MROH9: variants seen among roughly 807,000 people sequenced by gnomAD.
MROH9 encodes maestro heat-like repeat-containing protein family member 9.
Under a neutral mutation model 98.2 loss-of-function variants are expected in MROH9, and 92 were observed. That is an observed-to-expected ratio of 0.94 (90% CI 0.79 to 1.11). The LOEUF is 1.11. Among genes scored for constraint, MROH9 ranks in the 50% most tolerant of loss-of-function variants. The pLI, the probability that MROH9 is intolerant of heterozygous loss-of-function variation, is 0.00. For missense variants in MROH9, 1,057 were observed against 1,014.8 expected, an observed-to-expected ratio of 1.04 and a Z score of -0.57; for synonymous variants, 397 against 368.9, an observed-to-expected ratio of 1.08 and a Z score of -0.87.
intron 20 of MROH9, among the ~76,000 whole-genome samples, chr1:171,051,513 T>C (rs553354980): frequency 3.7e-4 from 57 of 152,168 alleles, no homozygotes; most frequent in African/African-American, 1.4e-3. Flanking sequence ...TCACATATTC[T>C]CACTTATAAG....
intron 7 of MROH9, among the ~76,000 whole-genome samples, chr1:170,965,909 A>G (rs2101897770): frequency 6.6e-6 from 1 of 152,232 alleles, no homozygotes; most frequent in East Asian, 1.9e-4. Flanking sequence ...TTTCATGTCA[A>G]CATATGTAGA....
chr1:170,997,976 G>A (rs1032390720), intron 14 of MROH9, among the ~76,000 whole-genome samples, 178 bp from the exon 15 acceptor site: 2 of 152,160 alleles, frequency 1.3e-5, no homozygotes, highest in African/African-American at 4.8e-5. Flanking sequence ...CAGGGATCCA[G>A]TTATATGTAA....
At chr1:171,003,315 C>A (rs893094651) in intron 15 of MROH9, among the ~76,000 whole-genome samples, 2 of 152,090 alleles carry the variant, frequency 1.3e-5, no homozygotes, top group Non-Finnish European at 1.5e-5. Flanking sequence ...TGTCAATGAA[C>A]CTTGTTTTGT....
intron 20 of MROH9, among the ~76,000 whole-genome samples, chr1:171,042,946 A>G (rs1421364934): frequency 6.6e-6 from 1 of 152,024 alleles, no homozygotes; most frequent in Admixed American, 6.6e-5. Flanking sequence ...TTGTCTCTTC[A>G]CTTTGTTGAT....
chr1:170,958,378 A>G, intron 3 of MROH9, 83 bp from the exon 4 acceptor site: 5 of 747,248 alleles, frequency 6.7e-6, no homozygotes, highest in Non-Finnish European at 1.1e-5. Context: ...TGTAAAAGGA[A>G]GAAGTGCACA....
At chr1:171,041,780 G>C (rs1653314091) in intron 20 of MROH9, among the ~76,000 whole-genome samples, 1 of 151,814 alleles carries the variant, frequency 6.6e-6, no homozygotes, top group Admixed American at 6.6e-5. Flanking sequence ...GTGCAAGATG[G>C]TATCTCATTG....
intron 20 of MROH9, among the ~76,000 whole-genome samples, chr1:171,057,137 G>A (rs963619678): frequency 3.9e-5 from 6 of 152,298 alleles, no homozygotes; most frequent in African/African-American, 1.4e-4. Flanking sequence ...GACAGAAGTA[G>A]GCTTCAGAAG....
intron 5 of MROH9, among the ~76,000 whole-genome samples, chr1:170,960,513 G>A (rs1192094441): frequency 6.6e-6 from 1 of 152,158 alleles, no homozygotes; most frequent in South Asian, 2.1e-4. Flanking sequence ...CTCACACATG[G>A]AAATTTCCAA....
intron 16 of MROH9, 107 bp downstream of exon 16, chr1:171,014,361 A>G (rs150117756): frequency 5.0e-4 from 521 of 1,047,052 alleles, no homozygotes; most frequent in Non-Finnish European, 6.3e-4. Flanking sequence ...TTCAGTCTCT[A>G]TATAACTAAA....
chr1:170,962,700 T>C (rs1650062789), intron 6 of MROH9, among the ~76,000 whole-genome samples: 1 of 152,066 alleles, frequency 6.6e-6, no homozygotes, highest in African/African-American at 2.4e-5. Flanking sequence ...AATAAAAATG[T>C]ATTAAGCTAA....
intron 8 of MROH9, among the ~76,000 whole-genome samples, chr1:170,977,557 G>T (rs115591432): frequency 0.017 from 2,603 of 152,260 alleles, 88 homozygotes; most frequent in African/African-American, 0.06. Context: ...TAGGCACAGT[G>T]ATCAGTTGGT....
At chr1:170,957,934 G>A (rs1032532964) in intron 3 of MROH9, among the ~76,000 whole-genome samples, 3 of 151,796 alleles carry the variant, frequency 2.0e-5, no homozygotes, top group Middle Eastern at 3.2e-3. Context: ...TCGGTCTCCC[G>A]AGTAGCTGGG....
intron 11 of MROH9, 116 bp from the exon 12 acceptor site, chr1:170,992,047 AG>A: frequency 2.0e-6 from 2 of 1,023,486 alleles, no homozygotes; most frequent in South Asian, 4.6e-5. Context: ...ACATGTCTGC[AG>A]TGTCTTTGCT....
intron 15 of MROH9, among the ~76,000 whole-genome samples, chr1:171,012,718 T>C (rs1245948350): frequency 1.3e-5 from 2 of 152,108 alleles, no homozygotes; most frequent in East Asian, 3.9e-4. Flanking sequence ...TTATCCAGGA[T>C]GGTCTCGATC....
intron 20 of MROH9, 39 bp downstream of exon 20, chr1:171,025,459 A>G (rs1160630487): frequency 1.6e-6 from 2 of 1,255,692 alleles, no homozygotes; most frequent in Admixed American, 4.3e-5. Flanking sequence ...ACTTGTCTTA[A>G]ATGGTATAGA....
chr1:171,039,319 CTG>C (rs1189282033), intron 20 of MROH9, among the ~76,000 whole-genome samples: 1 of 152,148 alleles, frequency 6.6e-6, no homozygotes, highest in East Asian at 1.9e-4. Context: ...CCAAATATAA[CTG>C]TGGTTTAAAC....
intron 1 of MROH9, among the ~76,000 whole-genome samples, chr1:170,942,037 T>C (rs1018818726): frequency 2.0e-5 from 3 of 152,202 alleles, no homozygotes; most frequent in Non-Finnish European, 4.4e-5. Flanking sequence ...AATCTCTGCT[T>C]AGTGAGCCCA....
rs1319841350 is a variant in MROH9 at position 171,014,243 on chromosome 1, A to G, written c.1723A>G (p.Ile575Val). The change falls in exon 16 of 22, where the codon ATT becomes GTT. Residue 575 changes from isoleucine (I) to valine (V), a missense_variant. Coordinates refer to ENST00000367759, the MANE Select transcript of MROH9 (RefSeq NM_001163629.2). ...ILHRIVHMSP[I>V]INKTENVSSI... is the part of the protein sequence containing the mutation. Reference sequence around the variant, plus strand: ...TCATAGAATTGTCCACATGTCACCAATTATCAATAAGGTATGTGTATGTGA... The same window carrying G: ...TCATAGAATTGTCCACATGTCACCAGTTATCAATAAGGTATGTGTATGTGA... The G allele has an allele frequency of 6.4e-7, 1 of 1,550,834 alleles. No individual in the cohort carries two copies. Among genetic ancestry groups the G allele is most frequent in the South Asian group, 1.2e-5 (1 of 83,996 alleles).
At chr1:170,936,040 C>T (rs142814838) in intron 1 of MROH9, among the ~76,000 whole-genome samples, 3 of 149,672 alleles carry the variant, frequency 2.0e-5, no homozygotes, top group African/African-American at 7.4e-5. Context: ...TTACTATGGG[C>T]CCTCATCCAG....
Sources: gnomAD v4.1 joint callset for allele counts (sites outside exome capture counted in the v4.1 genomes callset) on GRCh38, gnomAD v4.1.1 for gene constraint, MANE v1.5 for transcripts, NCBI Gene and HGNC (gene_info 2026-07-23, HGNC 2026-07-21) for gene names.